Variants in DAG1 observed in about 807,000 individuals in gnomAD.
DAG1 encodes dystroglycan 1, also known as dystroglycan 1 (dystrophin-associated glycoprotein 1).
Under a neutral mutation model 46.1 loss-of-function variants are expected in DAG1, and 8 were observed. The ratio of observed to expected loss-of-function variants is 0.17; its 90% CI spans 0.10 to 0.31. DAG1 has a LOEUF of 0.31. Ranked by LOEUF, DAG1 falls within the 10% of genes least tolerant of loss-of-function variation. DAG1 has a pLI of 1.00. For synonymous variants in DAG1, 495 were observed against 481.8 expected (o/e 1.03, Z -0.36); for missense variants, 1,003 against 1,189.9 (o/e 0.84, Z 2.31).
intron 2 of DAG1, among the ~76,000 whole-genome samples, chr3:49,517,245 G>A (rs1046779474): frequency 1.3e-5 from 2 of 151,734 alleles, no homozygotes; most frequent in Non-Finnish European, 2.9e-5. Flanking sequence ...CGCCCGCCTC[G>A]GCCTCCCAAA....
chr3:49,475,701 C>CTTT lies in DAG1; in HGVS notation c.-117+5280_-117+5282dup, dbSNP rs398038718. ...TTTGATAGCTAAGCATTTTCTTTTT[C>CTTT]TTTTTTTTTTTTTTGAGACGGAGTC... is the stretch of plus-strand genomic sequence containing the variant. On this transcript the variant is annotated intron_variant, in intron 1 of 2. Transcript: ENST00000308775. Among the ~76,000 whole-genome samples, 9 of 136,246 alleles carry CTTT rather than the reference C, an allele frequency of 6.6e-5. No individual in the cohort carries two copies. The East Asian group carries it at 8.5e-4, about 13-fold the overall frequency. The allele number at this position is 136,246 out of a possible 152,430, so 89.4% of individuals were successfully genotyped here.
At chr3:49,482,316 C>G (rs2049909059) in intron 1 of DAG1, among the ~76,000 whole-genome samples, 1 of 152,232 alleles carries the variant, frequency 6.6e-6, no homozygotes, top group African/African-American at 2.4e-5. Context: ...TCCCCCAGCC[C>G]GACACCTGTA....
chr3:49,524,505 T>G (rs185436042), intron 2 of DAG1, among the ~76,000 whole-genome samples: 1 of 151,288 alleles, frequency 6.6e-6, no homozygotes, highest in East Asian at 2.0e-4. Context: ...GGAAGACCCA[T>G]CTCTACAAAA....
chr3:49,469,132 G>C (rs925420303), upstream of DAG1: 27 of 152,390 alleles, frequency 1.8e-4, no homozygotes, highest in African/African-American at 6.5e-4. Flanking sequence ...AGGAGGGAGG[G>C]AAAGCCAGGG....
Position 49,498,719 on chromosome 3 carries a change from A to AT in DAG1, c.-116-11688dup, listed in dbSNP as rs879583469. ...TCTTTATTATTATTATTATTAATTA[A>AT]TTTTTTTTTTTTGAGATAGGTTCTT... On this transcript the variant is annotated intron_variant, in intron 1 of 2. Coordinates refer to ENST00000308775, the MANE Select transcript of DAG1 (RefSeq NM_004393.6). Among the ~76,000 whole-genome samples the AT allele has an allele frequency of 7.4e-4, 108 of 145,008 alleles. 1 individual carries two copies. The highest frequency in any genetic ancestry group is 1.1e-3 in the South Asian group (5 of 4,618).
intron 1 of DAG1, chr3:49,470,920 T>G (rs2049501708): frequency 6.6e-6 from 1 of 152,266 alleles, no homozygotes. Context: ...TTGAGCTCCT[T>G]TGGAAGCTTG....
intron 1 of DAG1, among the ~76,000 whole-genome samples, chr3:49,484,020 A>G (rs2049951912): frequency 6.6e-6 from 1 of 152,162 alleles, no homozygotes; most frequent in African/African-American, 2.4e-5. Flanking sequence ...GAGTGGAGAA[A>G]TTTGGTAGGA....
At chr3:49,496,468 C>T (rs1316691111) in intron 1 of DAG1, among the ~76,000 whole-genome samples, 1 of 148,624 alleles carries the variant, frequency 6.7e-6, no homozygotes, top group Non-Finnish European at 1.5e-5. Flanking sequence ...AGCAATTCTG[C>T]TGCCTTAGCC....
chr3:49,470,455 T>G (rs1196292780), intron 1 of DAG1, 22 bp downstream of exon 1: 1 of 152,272 alleles, frequency 6.6e-6, no homozygotes, highest in East Asian at 1.9e-4. Flanking sequence ...GCCCGCCCTA[T>G]CCGCTGTGCC....
chr3:49,474,385 GC>G (rs979915933), intron 1 of DAG1, among the ~76,000 whole-genome samples: 1 of 150,784 alleles, frequency 6.6e-6, no homozygotes, highest in Non-Finnish European at 1.5e-5. Context: ...TCGCTCCTTT[GC>G]CCAGTGTGGA....
intron 1 of DAG1, 107 bp downstream of exon 1, chr3:49,470,540 CG>C: frequency 6.6e-6 from 1 of 152,554 alleles, no homozygotes; most frequent in Non-Finnish European, 1.5e-5. Context: ...CTGTTCGGCC[CG>C]GGGCGGGGAC....
chr3:49,493,658 A>G (rs1307697907), intron 1 of DAG1, among the ~76,000 whole-genome samples: 7 of 152,224 alleles, frequency 4.6e-5, no homozygotes, highest in East Asian at 1.9e-4. Context: ...ACATATCTCC[A>G]GGTATGTGCT....
At chr3:49,507,565 TA>T (rs1369645489) in intron 1 of DAG1, among the ~76,000 whole-genome samples, 2 of 151,908 alleles carry the variant, frequency 1.3e-5, no homozygotes, top group African/African-American at 4.8e-5. Context: ...CCATCTCAAA[TA>T]AATAAATAAA....
At chr3:49,478,546 T>A (rs1457643932) in intron 1 of DAG1, among the ~76,000 whole-genome samples, 6 of 147,722 alleles carry the variant, frequency 4.1e-5, no homozygotes, top group East Asian at 3.9e-4. Flanking sequence ...TTTTTTTTTT[T>A]TTTTTAAATT....
In DAG1 at chr3:49,532,719, G is replaced by T. The variant is rs886044021; in HGVS notation, c.2208G>T (p.Val736=). Residue 736 remains valine (V), a synonymous_variant, in exon 3 of 3, where the codon GTG becomes GTT. Transcript: ENST00000308775. This position sits in a 1 kb window ranked among gnomAD's most constrained non-coding sequence, Gnocchi z 5.4. ...RVPSEAPPTE[V]PDRDPEKSSE... ...CCTCAGAGGCGCCGCCCACAGAAGTGCCTGACAGGGACCCTGAGAAGAGCA... is the reference window on the plus strand; with the variant it reads ...CCTCAGAGGCGCCGCCCACAGAAGTTCCTGACAGGGACCCTGAGAAGAGCA... 1 of 1,614,062 alleles carries T rather than the reference G, an allele frequency of 6.2e-7. No individual in the cohort carries two copies. The highest frequency in any genetic ancestry group is 1.3e-5 in the African/African-American group (1 of 74,944).
At chr3:49,510,387 C>G in intron 1 of DAG1, 32 bp from the exon 2 acceptor site, 5 of 783,800 alleles carry the variant, frequency 6.4e-6, no homozygotes, top group Non-Finnish European at 8.6e-6. Flanking sequence ...TGGAATTGCT[C>G]AAGTCTAAAC....
intron 1 of DAG1, among the ~76,000 whole-genome samples, chr3:49,505,748 C>T (rs371579419): frequency 9.3e-5 from 14 of 151,340 alleles, no homozygotes; most frequent in East Asian, 3.9e-4. Context: ...CTTGGCTCAC[C>T]GCAACCTCCA....
At chr3:49,477,964 A>G (rs1045924507) in intron 1 of DAG1, among the ~76,000 whole-genome samples, 1 of 149,172 alleles carries the variant, frequency 6.7e-6, no homozygotes, top group African/African-American at 2.5e-5. Context: ...CTGCATCTCA[A>G]AAAAAAAGTG....
intron 2 of DAG1, among the ~76,000 whole-genome samples, chr3:49,522,821 G>A (rs1271019592): frequency 6.6e-6 from 1 of 152,196 alleles, no homozygotes; most frequent in Non-Finnish European, 1.5e-5. Flanking sequence ...TGGCCTGTGA[G>A]CTACAGCCTG....
Sources: allele counts gnomAD v4.1 joint callset (sites outside exome capture counted in the v4.1 genomes callset), GRCh38; gene constraint gnomAD v4.1.1; non-coding constraint Gnocchi (gnomAD v3.1); transcripts MANE v1.5; gene names NCBI Gene and HGNC (gene_info 2026-07-23, HGNC 2026-07-21).